Variants in ASPG observed in about 807,000 individuals in gnomAD.
ASPG encodes the protein 60 kDa lysophospholipase.
ASPG carries 53 observed loss-of-function variants against 63.2 expected under a neutral mutation model. The ratio of observed to expected loss-of-function variants is 0.84; its 90% CI spans 0.67 to 1.05. The LOEUF (loss-of-function observed/expected upper bound fraction) is 1.05. Ranked by LOEUF, ASPG falls within the 50% of genes least tolerant of loss-of-function variation. The pLI is 0.00. For synonymous variants in ASPG, 370 were observed against 355.0 expected, an observed-to-expected ratio of 1.04 and a Z score of -0.48; for missense variants, 741 against 794.4, an observed-to-expected ratio of 0.93 and a Z score of 0.81.
At position 104,111,554 on chromosome 14, in the gene ASPG, G is replaced by C; in HGVS notation, c.1573G>C (p.Ala525Pro). 6.4e-7 allele frequency: 1 copy of C among 1,552,414 alleles called. No individual in the cohort carries two copies. Among genetic ancestry groups the C allele is most frequent in the Non-Finnish European group, 8.7e-7 (1 of 1,148,026 alleles). Residue 525 changes from alanine to proline, a missense_variant, in exon 14 of 16, where the codon GCT becomes CCT. Coordinates refer to ENST00000551177, the MANE Select transcript of ASPG (RefSeq NM_001080464.3). The part of the protein sequence containing the change: ...EGLQVWWQAG[A>P]DLGQPGYDGH... ...CCTGCAGGTGTGGTGGCAGGCAGGG[G>C]CTGACCTGGGGCAGCCGGGCTATGA...
rs573750007 is a variant in ASPG, at chr14:104,113,646, G to C, written c.*1102G>C. The C allele has an allele frequency of 2.6e-5, 4 of 152,418 alleles. No individual in the cohort carries two copies. The East Asian group carries it at 7.7e-4, about 29-fold the overall frequency. The allele number at this position is 152,418 out of a possible 1,614,324, so 9.4% of individuals were successfully genotyped here. On this transcript the variant is annotated 3_prime_UTR_variant, in exon 16 of 16. Transcript: ENST00000551177. The stretch of plus-strand genomic sequence containing the variant: ...GGCCTCTGGACTGGAGCCCCAGGAG[G>C]GCAAAAGCATGACCCCAGAGCTGGC...
At chr14:104,100,180 A>T (rs924889133) in intron 6 of ASPG, among the ~76,000 whole-genome samples, 4 of 152,182 alleles carry the variant, frequency 2.6e-5, no homozygotes, top group Non-Finnish European at 5.9e-5. Flanking sequence ...GAATCCCCAG[A>T]CACAGGCAAG....
At position 104,103,603 on chromosome 14, in the gene ASPG, G is replaced by C. The variant is rs573848139; in HGVS notation, c.681G>C (p.Gly227=). 1.9e-6 allele frequency: 3 copies of C among 1,548,184 alleles called. No individual in the cohort carries two copies. In the East Asian group the frequency reaches 7.3e-5, roughly 38 times the overall value. The stretch of plus-strand genomic sequence containing the variant: ...TGCGGAAGGTGGACGGGAAGGCTGG[G>C]CTGGTGGTGCACAGCAGCATGGAGC... The part of the protein sequence containing the change: ...ELVRKVDGKA[G]LVVHSSMEQD... Residue 227 remains glycine (G), a synonymous_variant, in exon 7 of 16, where the codon GGG becomes GGC. Coordinates refer to ENST00000551177, the MANE Select transcript of ASPG (RefSeq NM_001080464.3).
At position 104,094,816 on chromosome 14, in the gene ASPG, C is replaced by T. The variant is rs922576020; in HGVS notation, c.304-715C>T. On this transcript the variant is annotated intron_variant, in intron 3 of 15. Transcript: ENST00000551177. ...GGTGGCCCAGCCTGCCGTCTTGCCG[C>T]GAGTGGCCAGCAGAGGGCGCCCTTC... 2.0e-5 allele frequency among the ~76,000 whole-genome samples: 3 copies of T among 152,350 alleles called. No homozygotes were observed. The South Asian group carries it at 6.2e-4, about 32-fold the overall frequency.
At chr14:104,096,712 C>T (rs1014701410) in intron 4 of ASPG, among the ~76,000 whole-genome samples, 56 of 152,302 alleles carry the variant, frequency 3.7e-4, no homozygotes, top group African/African-American at 1.3e-3. Flanking sequence ...TGGCCTGTGC[C>T]GGGACATCCT....
chr14:104,110,863 TGAG>T lies in ASPG; in HGVS notation c.1521-632_1521-630del. On this transcript the variant is annotated intron_variant, in intron 13 of 15. Transcript: ENST00000551177. The surrounding 1 kb of genome is among the most constrained non-coding windows in gnomAD (Gnocchi z 4.7). ...AGTTCTTCCCAGGAGGGTGGCAGGG[TGAG>T]GAGGAGCTGGTGAGGGCCTGGCAGG... is the stretch of plus-strand genomic sequence containing the variant. 1.0e-6 allele frequency: 1 copy of T among 985,144 alleles called. No individual in the cohort carries two copies. Among genetic ancestry groups the T allele is most frequent in the Non-Finnish European group, 1.2e-6 (1 of 829,834 alleles). 61.0% of individuals were successfully genotyped at this position (985,144 alleles called of 1,614,324 possible).
rs529558932 is a variant in ASPG at position 104,108,482 on chromosome 14, G to C, written c.1434-747G>C. 19 of 985,446 alleles carry C rather than the reference G, an allele frequency of 1.9e-5. No individual in the cohort carries two copies. In the African/African-American group the frequency reaches 3.1e-4, roughly 16 times the overall value. 61.0% of individuals were successfully genotyped at this position (985,446 alleles called of 1,614,324 possible). A position where few individuals can be genotyped will look rare whatever the true frequency, so the allele number is the denominator to read the frequency against. On this transcript the variant is annotated intron_variant, in intron 12 of 15. Transcript: ENST00000551177. ...CTGAGGCCGCCTGCCTGGCCCTGCT[G>C]TGCCTGAGTGGGGTATGGGGAGGCC... is the stretch of plus-strand genomic sequence containing the variant.
chr14:104,096,948 A>G (rs997040536), intron 4 of ASPG, among the ~76,000 whole-genome samples: 3 of 152,208 alleles, frequency 2.0e-5, no homozygotes, highest in Non-Finnish European at 4.4e-5. Flanking sequence ...CGCGCTGTTC[A>G]GTCAACCATA....
In ASPG at chr14:104,115,049, C is replaced by A. The variant is rs1359471963; in HGVS notation, c.*2505C>A. 6.6e-6 allele frequency: 1 copy of A among 152,144 alleles called. No individual in the cohort carries two copies. The highest frequency in any genetic ancestry group is 1.5e-5 in the Non-Finnish European group (1 of 68,012). The allele number at this position is 152,144 out of a possible 1,614,324, so 9.4% of individuals were successfully genotyped here. ...TTCACGCTGGGGGAGGCCTTGGTTCCTATAGCCCATCTCGAATCACCTGGA... is the reference window on the plus strand; with the variant it reads ...TTCACGCTGGGGGAGGCCTTGGTTCATATAGCCCATCTCGAATCACCTGGA... On this transcript the variant is annotated 3_prime_UTR_variant, in exon 16 of 16. Coordinates refer to ENST00000551177, the MANE Select transcript of ASPG (RefSeq NM_001080464.3).
In ASPG at chr14:104,115,303, C is replaced by T. The variant is rs1368636610; in HGVS notation, c.*2759C>T. 1 of 152,240 alleles carries T rather than the reference C, an allele frequency of 6.6e-6. No homozygotes were observed. The highest frequency in any genetic ancestry group is 2.4e-5 in the African/African-American group (1 of 41,452). 9.4% of individuals were successfully genotyped at this position (152,240 alleles called of 1,614,324 possible). On this transcript the variant is annotated 3_prime_UTR_variant, in exon 16 of 16. Transcript: ENST00000551177. Reference sequence around the variant, plus strand: ...TGCAGGTGCTTGTACTTGTCACCTTCTCCCCGTCCTCTCTCGTCAGTTCCC... The same window carrying T: ...TGCAGGTGCTTGTACTTGTCACCTTTTCCCCGTCCTCTCTCGTCAGTTCCC...
At position 104,093,201 on chromosome 14, in the gene ASPG, C is replaced by T. The variant is rs1188917467; in HGVS notation, c.192-290C>T. The T allele has an allele frequency of 1.8e-5, 10 of 542,638 alleles. No individual in the cohort carries two copies. In the East Asian group the frequency reaches 2.6e-4, roughly 14 times the overall value. 33.6% of individuals were successfully genotyped at this position (542,638 alleles called of 1,614,324 possible). ...CACAGGCGAGCCTCCTGCAAGCATC[C>T]TCTCCTGCCTGGGGATGGCTGGTCC... On this transcript the variant is annotated intron_variant, in intron 2 of 15. Transcript: ENST00000551177.
In ASPG at chr14:104,112,592, C is replaced by T. The variant is rs1194653228; in HGVS notation, c.*48C>T. The stretch of plus-strand genomic sequence containing the variant: ...ATAAGCCATTCCTTCCTCCCATGAC[C>T]TGCTGGAGGGGTCTCAGGCATGACC... On this transcript the variant is annotated 3_prime_UTR_variant, in exon 16 of 16. Coordinates refer to ENST00000551177, the MANE Select transcript of ASPG (RefSeq NM_001080464.3). The T allele has an allele frequency of 6.9e-6, 11 of 1,601,728 alleles. No individual in the cohort carries two copies. The African/African-American group carries it at 1.2e-4, about 18-fold the overall frequency.
chr14:104,089,429 G>A (rs1464078303), intron 1 of ASPG, among the ~76,000 whole-genome samples: 1 of 152,036 alleles, frequency 6.6e-6, no homozygotes, highest in Non-Finnish European at 1.5e-5. Flanking sequence ...TGAGGCATGA[G>A]AATCGCTTGA....
In ASPG at chr14:104,110,422, C is replaced by A. The variant is rs978178414; in HGVS notation, c.1521-1080C>A. On this transcript the variant is annotated intron_variant, in intron 13 of 15. Coordinates refer to ENST00000551177, the MANE Select transcript of ASPG (RefSeq NM_001080464.3). This position sits in a 1 kb window ranked among gnomAD's most constrained non-coding sequence, Gnocchi z 4.7. The stretch of plus-strand genomic sequence containing the variant: ...CACTCCAGACAGGCCTTGCTGGCTC[C>A]ATTGACAGATGGGGAAACTGAGGCA... 7.1e-6 allele frequency: 7 copies of A among 985,212 alleles called. No individual in the cohort carries two copies. The African/African-American group carries it at 1.2e-4, about 17-fold the overall frequency. The allele number at this position is 985,212 out of a possible 1,614,324, so 61.0% of individuals were successfully genotyped here. A position where few individuals can be genotyped will look rare whatever the true frequency, so the allele number is the denominator to read the frequency against.
At chr14:104,099,775 AGG>A (rs1175688493) in intron 6 of ASPG, among the ~76,000 whole-genome samples, 1 of 152,164 alleles carries the variant, frequency 6.6e-6, no homozygotes, top group Non-Finnish European at 1.5e-5. Context: ...TGCTGTTTCA[AGG>A]CAGCCCCAAA....
At position 104,103,574 on chromosome 14, in the gene ASPG, C is replaced by A. The variant is rs370766757; in HGVS notation, c.652C>A (p.Leu218Met). 21 of 1,547,926 alleles carry A rather than the reference C, an allele frequency of 1.4e-5. No homozygotes were observed. The highest frequency in any genetic ancestry group is 1.2e-4 in the Admixed American group (6 of 50,974). ...VGADITINRELVRKVDGKAGL... is the reference protein window; with the variant it reads ...VGADITINREMVRKVDGKAGL... The stretch of plus-strand genomic sequence containing the variant: ...TTCCCTGTCCTCAGTCAACAGGGAG[C>A]TGGTGCGGAAGGTGGACGGGAAGGC... The change falls in exon 7 of 16, where the codon CTG (leucine) becomes ATG (methionine). Residue 218 changes from leucine to methionine, a missense_variant. Leu to Met is a conservative substitution (Grantham distance 15). Coordinates refer to ENST00000551177, the MANE Select transcript of ASPG (RefSeq NM_001080464.3).
chr14:104,102,176 C>T (rs1007880693), intron 6 of ASPG, among the ~76,000 whole-genome samples: 7 of 152,026 alleles, frequency 4.6e-5, no homozygotes, highest in Admixed American at 6.6e-5. Flanking sequence ...CTGAGACACA[C>T]GCCCTCAGTT....
Position 104,111,916 on chromosome 14 carries a change from A to G in ASPG, c.1621-4A>G. The G allele has an allele frequency of 6.4e-7, 1 of 1,552,704 alleles. No homozygotes were observed. The highest frequency in any genetic ancestry group is 2.4e-5 in the East Asian group (1 of 40,992). On this transcript the variant is annotated splice_region_variant and splice_polypyrimidine_tract_variant and intron_variant, in intron 14 of 15. Transcript: ENST00000551177. ...GGCAGCCCCTCCCCACTGCTTCCCC[A>G]TAGGCAGAGGCAGCCGGGAACCTGG...
intron 4 of ASPG, among the ~76,000 whole-genome samples, chr14:104,095,925 C>T (rs375525336): frequency 2.0e-5 from 3 of 152,258 alleles, no homozygotes; most frequent in East Asian, 3.9e-4. Context: ...AGGCCCACCT[C>T]GGCCCTGGGG....
Sources: allele counts gnomAD v4.1 joint callset (sites outside exome capture counted in the v4.1 genomes callset), GRCh38; gene constraint gnomAD v4.1.1; non-coding constraint Gnocchi (gnomAD v3.1); transcripts MANE v1.5; gene names NCBI Gene and HGNC (gene_info 2026-07-23, HGNC 2026-07-21).